Variants in PTK7 observed in about 807,000 individuals in gnomAD.
PTK7 encodes the protein protein tyrosine kinase 7 (inactive), also known as inactive tyrosine-protein kinase 7.
In PTK7, 39 loss-of-function variants were observed where a neutral mutation model predicts 116.6. The ratio of observed to expected loss-of-function variants is 0.33; its 90% CI spans 0.26 to 0.44. PTK7 has a LOEUF of 0.44. Ranked by LOEUF, PTK7 falls within the 20% of genes least tolerant of loss-of-function variation. PTK7 has a pLI of 1.00. For missense variants in PTK7, 1,169 were observed against 1,425.6 expected (o/e 0.82, Z 2.90); for synonymous variants, 546 against 563.6 (o/e 0.97, Z 0.44).
At position 43,076,635 on chromosome 6, in the gene PTK7, C is replaced by G. The variant is rs1353705457; in HGVS notation, c.79+68C>G. 6.7e-7 allele frequency: 1 copy of G among 1,497,506 alleles called. No homozygotes were observed. Among genetic ancestry groups the G allele is most frequent in the African/African-American group, 1.4e-5 (1 of 69,584 alleles). The allele number at this position is 1,497,506 out of a possible 1,614,324, so 92.8% of individuals were successfully genotyped here. A position where few individuals can be genotyped will look rare whatever the true frequency, so the allele number is the denominator to read the frequency against. ...GGAGTCCCGTGGGCAAAAGGCTGCG[C>G]CCGGGGCGGTGGGTTTGGGCGGCTG... On this transcript the variant is annotated intron_variant, in intron 1 of 19. Transcript: ENST00000230419. The surrounding 1 kb of genome is among the most constrained non-coding windows in gnomAD (Gnocchi z 5.7).
At chr6:43,135,880 C>T (rs111865764) in intron 7 of PTK7, among the ~76,000 whole-genome samples, 7,965 of 152,206 alleles carry the variant, frequency 0.052, 239 homozygotes, top group Non-Finnish European at 0.069. Context: ...CATGGTGAAA[C>T]CCCATCTCTA....
rs1769506841 is a variant in PTK7 at position 43,129,281 on chromosome 6, C to A, written c.367+17C>A. Reference sequence around the variant, plus strand: ...ACATCAAATGTGAGAGCCAGGGGGGCTGTGCCCAGTCCCCCTGTCAGACCC... The same window carrying A: ...ACATCAAATGTGAGAGCCAGGGGGGATGTGCCCAGTCCCCCTGTCAGACCC... On this transcript the variant is annotated intron_variant, in intron 2 of 19. Transcript: ENST00000230419. This position sits in a 1 kb window ranked among gnomAD's most constrained non-coding sequence, Gnocchi z 4.5. The A allele has an allele frequency of 6.2e-7, 1 of 1,613,496 alleles. No homozygotes were observed. The highest frequency in any genetic ancestry group is 1.1e-5 in the South Asian group (1 of 91,036).
chr6:43,158,160 G>A (rs568700696), intron 17 of PTK7, among the ~76,000 whole-genome samples: 21 of 152,064 alleles, frequency 1.4e-4, no homozygotes, highest in Non-Finnish European at 2.2e-4. Context: ...TTAGCTGGGC[G>A]TAGTGGCAGG....
At chr6:43,114,268 C>A (rs1220890017) in intron 1 of PTK7, among the ~76,000 whole-genome samples, 1 of 152,194 alleles carries the variant, frequency 6.6e-6, no homozygotes, top group Non-Finnish European at 1.5e-5. Context: ...CTCTCAGTTT[C>A]TCTCTGTCTG....
intron 1 of PTK7, among the ~76,000 whole-genome samples, chr6:43,094,660 A>C (rs527978171): frequency 2.5e-3 from 375 of 151,702 alleles, no homozygotes; most frequent in Non-Finnish European, 4.2e-3. Flanking sequence ...CTGTATTTTT[A>C]GTAGAGACGG....
At chr6:43,128,918 T>C in intron 1 of PTK7, 59 bp from the exon 2 acceptor site, 10 of 1,539,024 alleles carry the variant, frequency 6.5e-6, no homozygotes, top group Non-Finnish European at 8.8e-6. Context: ...AGGTGGCCTG[T>C]GTTAGGACAG....
rs550561196 is a variant in PTK7, at chr6:43,101,464, A to G, written c.79+24897A>G. Among the ~76,000 whole-genome samples the G allele has an allele frequency of 2.7e-5, 4 of 148,240 alleles. No individual in the cohort carries two copies. In the East Asian group the frequency reaches 8.3e-4, roughly 31 times the overall value. On this transcript the variant is annotated intron_variant, in intron 1 of 19. Transcript: ENST00000230419. ...CTACTCGGGAAGCTGAGGCATGAGA[A>G]TGGCATGAACCCGGGAGGCAGAGCT...
In PTK7 at chr6:43,145,898, C is replaced by T. The variant is rs1392698122; in HGVS notation, c.2640+466C>T. 6.5e-6 allele frequency: 1 copy of T among 153,434 alleles called. No individual in the cohort carries two copies. Among genetic ancestry groups the T allele is most frequent in the Non-Finnish European group, 1.5e-5 (1 of 68,948 alleles). 9.5% of individuals were successfully genotyped at this position (153,434 alleles called of 1,614,324 possible). A position where few individuals can be genotyped will look rare whatever the true frequency, so the allele number is the denominator to read the frequency against. On this transcript the variant is annotated intron_variant, in intron 16 of 19. Transcript: ENST00000230419. This position sits in a 1 kb window ranked among gnomAD's most constrained non-coding sequence, Gnocchi z 4.8. ...GCCTTCTCCTCTCCACTCAGGGTGT[C>T]ATTCCCAGAGCTGCGCCTTCCTCTT...
At chr6:43,146,517 T>C in intron 16 of PTK7, 101 bp from the exon 17 acceptor site, 1 of 1,131,854 alleles carries the variant, frequency 8.8e-7, no homozygotes, top group Non-Finnish European at 1.3e-6. Context: ...GCCTTCTCAC[T>C]GCCTCCCCAG....
chr6:43,108,014 C>T (rs962323404), intron 1 of PTK7, among the ~76,000 whole-genome samples: 6 of 143,498 alleles, frequency 4.2e-5, no homozygotes, highest in Admixed American at 1.5e-4. Flanking sequence ...TGTGTGTTCA[C>T]GATTATTATT....
At chr6:43,119,013 G>A (rs540754595) in intron 1 of PTK7, among the ~76,000 whole-genome samples, 2 of 151,854 alleles carry the variant, frequency 1.3e-5, no homozygotes, top group African/African-American at 2.4e-5. Context: ...CTTCTACCTC[G>A]GCTTCCCAAA....
chr6:43,153,453 A>C (rs991557326), intron 17 of PTK7, among the ~76,000 whole-genome samples: 1 of 151,968 alleles, frequency 6.6e-6, no homozygotes, highest in Non-Finnish European at 1.5e-5. Context: ...TCTGTCACCC[A>C]GGCTGGAATG....
At chr6:43,121,725 A>C (rs1768977135) in intron 1 of PTK7, among the ~76,000 whole-genome samples, 1 of 152,222 alleles carries the variant, frequency 6.6e-6, no homozygotes, top group Admixed American at 6.5e-5. Context: ...CTAAATCCTC[A>C]GAGTCACAAA....
chr6:43,078,026 G>C (rs1766154535), intron 1 of PTK7, among the ~76,000 whole-genome samples: 1 of 152,240 alleles, frequency 6.6e-6, no homozygotes, highest in African/African-American at 2.4e-5. Flanking sequence ...CAGCCATCTG[G>C]GCGAGCAGCC....
intron 1 of PTK7, among the ~76,000 whole-genome samples, chr6:43,110,382 T>G (rs950060641): frequency 1.7e-4 from 25 of 146,322 alleles, no homozygotes; most frequent in African/African-American, 4.4e-4. Flanking sequence ...TTTTAGCAGG[T>G]TTTTTTTTTG....
At chr6:43,098,854 G>A (rs1304447833) in intron 1 of PTK7, among the ~76,000 whole-genome samples, 1 of 152,158 alleles carries the variant, frequency 6.6e-6, no homozygotes, top group African/African-American at 2.4e-5. Flanking sequence ...AGTGGAATAA[G>A]TCTCCAACTG....
intron 1 of PTK7, among the ~76,000 whole-genome samples, chr6:43,100,574 G>C (rs530577241): frequency 6.6e-6 from 1 of 151,474 alleles, no homozygotes; most frequent in East Asian, 1.9e-4. Context: ...GATTTTTTTG[G>C]GAATACAGCT....
intron 1 of PTK7, among the ~76,000 whole-genome samples, chr6:43,093,183 C>T (rs1468305455): frequency 3.5e-5 from 3 of 84,780 alleles, no homozygotes; most frequent in Non-Finnish European, 4.3e-5. Flanking sequence ...ATAGGATCTC[C>T]TTTTTTTTTT....
chr6:43,118,613 A>G (rs187693120), intron 1 of PTK7, among the ~76,000 whole-genome samples: 5 of 125,630 alleles, frequency 4.0e-5, no homozygotes, highest in African/African-American at 1.2e-4. Flanking sequence ...TTTAAGGAAT[A>G]TTTTAACCTC....
Sources: allele counts gnomAD v4.1 joint callset (sites outside exome capture counted in the v4.1 genomes callset), GRCh38; gene constraint gnomAD v4.1.1; non-coding constraint Gnocchi (gnomAD v3.1); transcripts MANE v1.5; gene names NCBI Gene and HGNC (gene_info 2026-07-23, HGNC 2026-07-21).